FHIT: variants seen among roughly 807,000 people sequenced by gnomAD.
The protein encoded by FHIT is bis(5'-adenosyl)-triphosphatase.
A neutral mutation model predicts 17.9 loss-of-function variants in FHIT; 19 were observed. That is an observed-to-expected ratio of 1.06 (90% CI 0.74 to 1.56). FHIT has a LOEUF of 1.56. Among genes scored for constraint, FHIT ranks in the 40% most tolerant of loss-of-function variants. FHIT has a pLI of 0.00. For missense variants in FHIT, 248 were observed against 189.2 expected (o/e 1.31, Z -1.82); for synonymous variants, 81 against 69.7 (o/e 1.16, Z -0.81).
At chr3:61,176,971 C>A (rs773325110) in intron 2 of FHIT, among the ~76,000 whole-genome samples, 1 of 152,094 alleles carries the variant, frequency 6.6e-6, no homozygotes, top group East Asian at 1.9e-4. Context: ...GTAAGGAGAT[C>A]GAGACCATCC....
At position 61,100,989 on chromosome 3, in the gene FHIT, A is replaced by G. The variant is rs187055978; in HGVS notation, c.-163-58890T>C. Among the ~76,000 whole-genome samples, 178 of 152,184 alleles carry G rather than the reference A, an allele frequency of 1.2e-3. 3 individuals carry two copies. On this transcript the variant is annotated intron_variant, in intron 2 of 9. Coordinates refer to ENST00000492590, the MANE Select transcript of FHIT (RefSeq NM_002012.4). Reference sequence around the variant, plus strand: ...TTGTCAGATGAATAGATTGCAAAAAATTTCCCCCATTCTACAGGTTGCTGG... The same window carrying G: ...TTGTCAGATGAATAGATTGCAAAAAGTTTCCCCCATTCTACAGGTTGCTGG...
intron 5 of FHIT, among the ~76,000 whole-genome samples, chr3:60,160,819 T>A (rs933934600): frequency 3.0e-5 from 4 of 134,030 alleles, no homozygotes; most frequent in African/African-American, 1.1e-4. Flanking sequence ...AGCATGTGTG[T>A]GAGTGTGACA....
chr3:59,788,506 C>T (rs550658956), intron 8 of FHIT, among the ~76,000 whole-genome samples: 9 of 152,282 alleles, frequency 5.9e-5, no homozygotes, highest in East Asian at 5.8e-4. Flanking sequence ...TTCTTCCCTG[C>T]CTCCTGTGGT....
chr3:60,592,268 C>A (rs564303155), intron 4 of FHIT, among the ~76,000 whole-genome samples: 3,291 of 145,608 alleles, frequency 0.023, 32 homozygotes, highest in South Asian at 0.032. Flanking sequence ...TACTCTCTCT[C>A]TATATATATA....
At chr3:60,766,528 G>A (rs1263576420) in intron 4 of FHIT, among the ~76,000 whole-genome samples, 3 of 152,214 alleles carry the variant, frequency 2.0e-5, no homozygotes, top group Non-Finnish European at 1.5e-5. Flanking sequence ...TAGGAAAATA[G>A]TGAAGATTGT....
chr3:60,544,560 T>A (rs1250709361), intron 4 of FHIT, among the ~76,000 whole-genome samples: 1 of 151,892 alleles, frequency 6.6e-6, no homozygotes, highest in African/African-American at 2.4e-5. Flanking sequence ...GCCTTTTGAA[T>A]GTCATAAGTG....
chr3:60,418,846 T>C (rs1248678386), intron 5 of FHIT, among the ~76,000 whole-genome samples: 4 of 152,088 alleles, frequency 2.6e-5, no homozygotes, highest in African/African-American at 4.8e-5. Context: ...GAACATTAGA[T>C]AGCATATTAT....
chr3:60,747,418 C>T (rs75901129), intron 4 of FHIT, among the ~76,000 whole-genome samples: 2 of 152,238 alleles, frequency 1.3e-5, no homozygotes, highest in Admixed American at 6.5e-5. Context: ...GAGGCTAAGA[C>T]GTTATCATGT....
Position 60,611,263 on chromosome 3 carries a change from A to G in FHIT, c.-17-74284T>C, listed in dbSNP as rs75901287. On this transcript the variant is annotated intron_variant, in intron 4 of 9. Coordinates refer to ENST00000492590, the MANE Select transcript of FHIT (RefSeq NM_002012.4). Reference sequence around the variant, plus strand: ...TTGCAACACAAAGTCCAGTTGGTCCAATGAAAAAGAGGATTAGATTTGCCT... The same window carrying G: ...TTGCAACACAAAGTCCAGTTGGTCCGATGAAAAAGAGGATTAGATTTGCCT... Among the ~76,000 whole-genome samples the G allele has an allele frequency of 2.9e-4, 44 of 152,368 alleles. 1 individual carries two copies. The East Asian group carries it at 8.1e-3, about 28-fold the overall frequency.
chr3:60,885,069 G>A (rs1313837663), intron 3 of FHIT, among the ~76,000 whole-genome samples: 1 of 152,064 alleles, frequency 6.6e-6, no homozygotes, highest in Admixed American at 6.6e-5. Flanking sequence ...GGGGTGAAGA[G>A]AGGTTGGTTA....
At chr3:59,762,392 A>G (rs1407812851) in intron 8 of FHIT, among the ~76,000 whole-genome samples, 1 of 152,154 alleles carries the variant, frequency 6.6e-6, no homozygotes, top group South Asian at 2.1e-4. Flanking sequence ...TCCTCCCAAT[A>G]TACTGGCTAT....
intron 5 of FHIT, among the ~76,000 whole-genome samples, chr3:60,058,088 T>TC (rs1041014698): frequency 6.7e-6 from 1 of 148,686 alleles, no homozygotes; most frequent in Non-Finnish European, 1.5e-5. Context: ...GAGAAAGTAG[T>TC]CCGGGGAATA....
At chr3:60,318,340 A>G (rs1709262581) in intron 5 of FHIT, among the ~76,000 whole-genome samples, 3 of 152,220 alleles carry the variant, frequency 2.0e-5, no homozygotes, top group African/African-American at 7.2e-5. Context: ...CTTATTGTGA[A>G]AGAAACAACA....
chr3:60,213,630 T>G (rs1703559765), intron 5 of FHIT, among the ~76,000 whole-genome samples: 1 of 152,170 alleles, frequency 6.6e-6, no homozygotes, highest in Non-Finnish European at 1.5e-5. Context: ...GCCTCTCAAA[T>G]ATTTTTGGCC....
intron 5 of FHIT, among the ~76,000 whole-genome samples, chr3:60,339,932 T>A (rs1445904265): frequency 6.6e-6 from 1 of 152,150 alleles, no homozygotes; most frequent in East Asian, 1.9e-4. Flanking sequence ...AAGAGGAGAT[T>A]CTGAAAGTTG....
intron 4 of FHIT, among the ~76,000 whole-genome samples, chr3:60,577,122 T>G (rs2037595609): frequency 6.6e-6 from 1 of 152,240 alleles, no homozygotes; most frequent in South Asian, 2.1e-4. Context: ...ATAACACCCC[T>G]CATTGATCAA....
chr3:59,754,024 A>G (rs1422414926), intron 8 of FHIT, among the ~76,000 whole-genome samples: 2 of 151,854 alleles, frequency 1.3e-5, no homozygotes, highest in Non-Finnish European at 2.9e-5. Flanking sequence ...AAGTCTATCA[A>G]CTAATAAATG....
chr3:60,803,204 T>C (rs965034578), intron 4 of FHIT, among the ~76,000 whole-genome samples: 3 of 152,072 alleles, frequency 2.0e-5, no homozygotes, highest in African/African-American at 7.2e-5. Context: ...TCTTTGTTAA[T>C]GGGAAAAAGC....
At chr3:60,044,102 G>T (rs758737291) in intron 5 of FHIT, among the ~76,000 whole-genome samples, 1 of 152,122 alleles carries the variant, frequency 6.6e-6, no homozygotes, top group African/African-American at 2.4e-5. Context: ...CTGCTGAAAA[G>T]TTCATTCCTA....
Sources: gnomAD v4.1 joint callset for allele counts (sites outside exome capture counted in the v4.1 genomes callset) on GRCh38, gnomAD v4.1.1 for gene constraint, MANE v1.5 for transcripts, NCBI Gene and HGNC (gene_info 2026-07-23, HGNC 2026-07-21) for gene names.